NRXN3: variants seen among roughly 807,000 people sequenced by gnomAD.
NRXN3 encodes the protein neurexin III.
Under a neutral mutation model 137.6 loss-of-function variants are expected in NRXN3, and 32 were observed. That is an observed-to-expected ratio of 0.23 (90% CI 0.18 to 0.31). NRXN3 has a LOEUF of 0.31. Among genes scored for constraint, NRXN3 ranks in the 10% least tolerant of loss-of-function variants. The pLI is 1.00. For synonymous variants in NRXN3, 798 were observed against 784.5 expected, an observed-to-expected ratio of 1.02 and a Z score of -0.29; for missense variants, 1,574 against 2,062.5, an observed-to-expected ratio of 0.76 and a Z score of 4.59.
At chr14:78,656,234 G>A (rs910496729) in intron 6 of NRXN3, among the ~76,000 whole-genome samples, 2 of 152,170 alleles carry the variant, frequency 1.3e-5, no homozygotes, top group African/African-American at 4.8e-5. Context: ...ACGCATAAAT[G>A]CAATAAATAG....
chr14:78,538,480 C>T (rs2096557428), intron 4 of NRXN3, among the ~76,000 whole-genome samples: 2 of 152,180 alleles, frequency 1.3e-5, no homozygotes, highest in Non-Finnish European at 2.9e-5. Flanking sequence ...TGAGACTTTG[C>T]TGAAGTTGCT....
chr14:78,992,233 T>A (rs1006466328), intron 15 of NRXN3, among the ~76,000 whole-genome samples: 1 of 152,202 alleles, frequency 6.6e-6, no homozygotes, highest in African/African-American at 2.4e-5. Flanking sequence ...AAATGTTGAG[T>A]TAATGTAGAA....
chr14:78,283,072 C>T (rs983119235), intron 3 of NRXN3: 2 of 152,226 alleles, frequency 1.3e-5, no homozygotes, highest in African/African-American at 2.4e-5. Context: ...GTTCACCTTG[C>T]GAAAGCCCTC....
chr14:79,853,680 C>A, intron 20 of NRXN3: 1 of 1,292,980 alleles, frequency 7.7e-7, no homozygotes, highest in Non-Finnish European at 1.0e-6. Context: ...ATCTTTCCTT[C>A]CCATTCTCCC....
chr14:79,141,094 G>T (rs577814896), intron 15 of NRXN3, among the ~76,000 whole-genome samples: 1 of 152,132 alleles, frequency 6.6e-6, no homozygotes, highest in Non-Finnish European at 1.5e-5. Flanking sequence ...AATGGAACAG[G>T]TGTCTTTTTC....
chr14:78,951,267 TC>T (rs1230515168), intron 10 of NRXN3, among the ~76,000 whole-genome samples: 2 of 152,278 alleles, frequency 1.3e-5, no homozygotes, highest in Admixed American at 1.3e-4. Flanking sequence ...CTTAAAACCT[TC>T]CAAGAGCTTC....
intron 4 of NRXN3, among the ~76,000 whole-genome samples, chr14:78,485,254 A>G (rs1409888555): frequency 6.6e-6 from 1 of 152,210 alleles, no homozygotes; most frequent in Non-Finnish European, 1.5e-5. Flanking sequence ...TGGGAGATTC[A>G]AGAAGGCAGA....
chr14:79,789,418 A>G (rs1433326714), intron 19 of NRXN3, among the ~76,000 whole-genome samples: 3 of 152,174 alleles, frequency 2.0e-5, no homozygotes, highest in Non-Finnish European at 4.4e-5. Flanking sequence ...ATCTCACGCA[A>G]GAAAGAATTC....
chr14:78,751,123 C>G (rs1450547364), intron 8 of NRXN3, among the ~76,000 whole-genome samples: 2 of 152,102 alleles, frequency 1.3e-5, no homozygotes, highest in Admixed American at 6.6e-5. Context: ...TATGCTCAAG[C>G]CTTTTTCCCC....
chr14:79,410,365 C>G (rs2153513734), intron 15 of NRXN3, among the ~76,000 whole-genome samples: 1 of 152,060 alleles, frequency 6.6e-6, no homozygotes, highest in South Asian at 2.1e-4. Context: ...AGAACTGAAT[C>G]ATCAATGTAT....
intron 15 of NRXN3, among the ~76,000 whole-genome samples, chr14:79,014,087 A>G (rs1405785025): frequency 1.3e-5 from 2 of 152,174 alleles, no homozygotes; most frequent in East Asian, 1.9e-4. Flanking sequence ...CTGTATGGCA[A>G]GGAGCAGTGG....
chr14:79,811,636 C>G (rs1158135829), intron 20 of NRXN3, among the ~76,000 whole-genome samples: 1 of 137,346 alleles, frequency 7.3e-6, no homozygotes, highest in Non-Finnish European at 1.5e-5. Flanking sequence ...GGCTGGAGTG[C>G]AATGGCATGA....
intron 5 of NRXN3, among the ~76,000 whole-genome samples, chr14:78,646,785 A>G (rs1038039549): frequency 6.6e-6 from 1 of 152,176 alleles, no homozygotes; most frequent in African/African-American, 2.4e-5. Context: ...CTCCAAGGCC[A>G]AAGAACCCTA....
chr14:78,516,085 G>A lies in NRXN3; in HGVS notation c.758-129035G>A, dbSNP rs2096201825. Among the ~76,000 whole-genome samples the A allele has an allele frequency of 2.0e-5, 3 of 152,062 alleles. No homozygotes were observed. In the South Asian group the frequency reaches 6.2e-4, roughly 32 times the overall value. On this transcript the variant is annotated intron_variant, in intron 4 of 20. Transcript: ENST00000335750. ...CCCCACTCCATGGTATTCATCACCA[G>A]TGTCAAAATTGCCATAATAATTAAC...
rs1345117352 is a variant in NRXN3 at position 79,494,490 on chromosome 14, G to A, written c.3444+27088G>A. On this transcript the variant is annotated intron_variant, in intron 16 of 20. Transcript: ENST00000335750. ...TTAAACATGGTCATCCTCCAACACC[G>A]TCTTTCTTACCAGCCTTGCATGAAA... is the stretch of plus-strand genomic sequence containing the variant. 2.6e-5 allele frequency among the ~76,000 whole-genome samples: 4 copies of A among 152,112 alleles called. No individual in the cohort carries two copies. In the East Asian group the frequency reaches 5.8e-4, roughly 22 times the overall value.
intron 4 of NRXN3, among the ~76,000 whole-genome samples, chr14:78,481,456 A>G (rs1382394789): frequency 2.6e-5 from 4 of 152,192 alleles, no homozygotes; most frequent in East Asian, 1.9e-4. Flanking sequence ...AAGTCTTGCT[A>G]GAGGAGAAAT....
chr14:79,442,035 A>G (rs1398385936), intron 15 of NRXN3, among the ~76,000 whole-genome samples: 1 of 152,148 alleles, frequency 6.6e-6, no homozygotes. Context: ...CTGGGGCCAT[A>G]AAAAGCCTGT....
chr14:79,850,694 G>A (rs2099389683), intron 20 of NRXN3, among the ~76,000 whole-genome samples: 1 of 152,032 alleles, frequency 6.6e-6, no homozygotes, highest in Admixed American at 6.6e-5. Flanking sequence ...CAGAATAAAG[G>A]CACAGCCATG....
intron 16 of NRXN3, among the ~76,000 whole-genome samples, chr14:79,612,561 A>T (rs1292064693): frequency 1.3e-5 from 2 of 152,180 alleles, no homozygotes; most frequent in African/African-American, 4.8e-5. Context: ...TTATTAACAA[A>T]TCCCCAACAA....
Sources: allele counts gnomAD v4.1 joint callset (sites outside exome capture counted in the v4.1 genomes callset), GRCh38; gene constraint gnomAD v4.1.1; transcripts MANE v1.5; gene names NCBI Gene and HGNC (gene_info 2026-07-23, HGNC 2026-07-21).